The following PCSK4 variants were observed in gnomAD, a reference collection of about 807,000 sequenced individuals.
The protein encoded by PCSK4 is testicular tissue protein Li 135.
In PCSK4, 64 loss-of-function variants were observed where a neutral mutation model predicts 80.3. The ratio of observed to expected loss-of-function variants is 0.80; its 90% CI spans 0.65 to 0.98. PCSK4 has a LOEUF of 0.98. PCSK4 is among the 50% of genes least tolerant of loss of function. The pLI, the probability that PCSK4 is intolerant of heterozygous loss-of-function variation, is 0.00. For missense variants in PCSK4, 1,213 were observed against 1,093.6 expected, an observed-to-expected ratio of 1.11 and a Z score of -1.54; for synonymous variants, 561 against 487.6, an observed-to-expected ratio of 1.15 and a Z score of -1.98.
chr19:1,482,672 G>T, intron 13 of PCSK4, 197 bp from the exon 14 acceptor site: 1 of 775,532 alleles, frequency 1.3e-6, no homozygotes. Context: ...CCTACTGTGC[G>T]CCTGTCACTG....
chr19:1,484,003 G>C, intron 9 of PCSK4, 24 bp downstream of exon 9: 10 of 1,512,174 alleles, frequency 6.6e-6, no homozygotes, highest in Non-Finnish European at 8.9e-6. Context: ...CGAGGGCGGT[G>C]GACCGGGCCC....
Position 1,487,002 on chromosome 19 carries a change from TGTC to T in PCSK4, c.916_918del (p.Asp306del), listed in dbSNP as rs769093159. 11 of 1,609,590 alleles carry T rather than the reference TGTC, an allele frequency of 6.8e-6. No homozygotes were observed. The Admixed American group carries it at 8.3e-5, about 12-fold the overall frequency. On this transcript the variant is annotated inframe_deletion, in exon 8 of 15. Coordinates refer to ENST00000300954, the Ensembl canonical transcript of PCSK4. Reference sequence around the variant, plus strand: ...TTGGTGTAGCCGTCGCAGTTGCAGTTGTCGTAGTGCAGGCCGCCGTTGCCCGAG... The same window carrying T: ...TTGGTGTAGCCGTCGCAGTTGCAGTTGTAGTGCAGGCCGCCGTTGCCCGAG...
exon 5 of PCSK4, chr19:1,487,847 G>T (rs749701688): frequency 1.3e-6 from 2 of 1,553,356 alleles, no homozygotes; most frequent in Non-Finnish European, 8.7e-7. Flanking sequence ...TGAAGTCATA[G>T]CTGGCCAGGG....
At chr19:1,490,531 G>T (rs2084896540), upstream of PCSK4, 1 of 505,998 alleles carries the variant, frequency 2.0e-6, no homozygotes, top group East Asian at 3.4e-5. Context: ...AGGGACGCAC[G>T]CCTGCCCGTC....
intron 7 of PCSK4, 32 bp from the exon 8 acceptor site, chr19:1,487,097 T>C (rs760690931): frequency 6.2e-7 from 1 of 1,601,306 alleles, no homozygotes; most frequent in Non-Finnish European, 8.5e-7. Context: ...GGAGGGGGCG[T>C]CGGCCTGGCC....
exon 4 of PCSK4, chr19:1,488,025 A>G: frequency 6.2e-7 from 1 of 1,613,510 alleles, no homozygotes; most frequent in Admixed American, 1.7e-5. Context: ...AGAGACCACG[A>G]TGCCCTGGCC....
At chr19:1,483,351 G>A (rs1252939464) in exon 12 of PCSK4, 4 of 1,609,986 alleles carry the variant, frequency 2.5e-6, no homozygotes, top group East Asian at 2.2e-5. Context: ...TCTCCGCGCC[G>A]GCTGTAGGAC....
intron 12 of PCSK4, 76 bp from the exon 13 acceptor site, chr19:1,483,096 G>A (rs2084391286): frequency 1.4e-6 from 2 of 1,389,538 alleles, no homozygotes; most frequent in African/African-American, 1.4e-5. Flanking sequence ...CCCATGAAGT[G>A]TCTGACCGCA....
At chr19:1,488,120 T>A in intron 3 of PCSK4, 28 bp from the exon 4 acceptor site, 1 of 1,612,784 alleles carries the variant, frequency 6.2e-7, no homozygotes, top group East Asian at 2.2e-5. Flanking sequence ...GTTGTGACCC[T>A]GTGAGGGCCT....
intron 2 of PCSK4, among the ~76,000 whole-genome samples, chr19:1,488,491 C>T (rs1201979413): frequency 6.6e-6 from 1 of 151,918 alleles, no homozygotes; most frequent in Admixed American, 6.6e-5. Context: ...TCGTTGCTGC[C>T]GCGGGTGACT....
chr19:1,482,324 G>C lies in PCSK4; in HGVS notation c.1819+29C>G, dbSNP rs1413073809. 10 of 1,535,598 alleles carry C rather than the reference G, an allele frequency of 6.5e-6. 1 individual carries two copies. In the Admixed American group the frequency reaches 1.8e-4, roughly 27 times the overall value. Reference sequence around the variant, plus strand: ...CCACGGTGGCCGCCACCGCCTCCCAGCAGTGGGCCCTGCCCCGCCGGCACT... The same window carrying C: ...CCACGGTGGCCGCCACCGCCTCCCACCAGTGGGCCCTGCCCCGCCGGCACT... On this transcript the variant is annotated intron_variant, in intron 14 of 14. Coordinates refer to ENST00000300954, the Ensembl canonical transcript of PCSK4.
exon 15 of PCSK4, chr19:1,481,549 C>T (rs368548596): frequency 5.6e-4 from 250 of 446,324 alleles, no homozygotes; most frequent in African/African-American, 4.5e-3. Flanking sequence ...CCTCTCCCCC[C>T]AGCCCACTCC....
exon 12 of PCSK4, chr19:1,483,453 G>A (rs1213515993): frequency 1.2e-5 from 19 of 1,592,150 alleles, no homozygotes; most frequent in Non-Finnish European, 1.6e-5. Flanking sequence ...TAGATCAGCG[G>A]CAGGATGGGG....
chr19:1,483,177 G>A (rs1487893375), intron 12 of PCSK4, 107 bp downstream of exon 12: 3 of 1,291,272 alleles, frequency 2.3e-6, no homozygotes, highest in African/African-American at 3.0e-5. Context: ...CTAGGCTGCC[G>A]TGTGACTCCT....
chr19:1,486,844 T>C lies in PCSK4; in HGVS notation c.1068+9A>G. The C allele has an allele frequency of 6.3e-7, 1 of 1,590,798 alleles. No homozygotes were observed. The highest frequency in any genetic ancestry group is 8.5e-7 in the Non-Finnish European group (1 of 1,175,768). On this transcript the variant is annotated intron_variant, in intron 8 of 14. Coordinates refer to ENST00000300954, the Ensembl canonical transcript of PCSK4. Reference sequence around the variant, plus strand: ...GGGGAGGGGACCCTGTTGGGGCGGCTGCACTCACGATCTGGGGGTCGGTGG... The same window carrying C: ...GGGGAGGGGACCCTGTTGGGGCGGCCGCACTCACGATCTGGGGGTCGGTGG...
exon 15 of PCSK4, chr19:1,481,722 C>T: frequency 7.1e-7 from 1 of 1,408,130 alleles, no homozygotes; most frequent in East Asian, 2.4e-5. Flanking sequence ...TGTCAGGGAC[C>T]CAGGCGGGGG....
intron 2 of PCSK4, 93 bp from the exon 3 acceptor site, chr19:1,488,373 CTG>C: frequency 1.1e-6 from 1 of 934,530 alleles, no homozygotes; most frequent in Non-Finnish European, 1.7e-6. Context: ...CCCTGGGACC[CTG>C]TGTTTGTGGG....
exon 13 of PCSK4, chr19:1,482,929 C>T (rs768349765): frequency 1.9e-6 from 3 of 1,613,540 alleles, no homozygotes; most frequent in Non-Finnish European, 1.7e-6. Flanking sequence ...TTCTCTAGGC[C>T]CAGGGTCCAC....
intron 8 of PCSK4, 37 bp from the exon 9 acceptor site, chr19:1,484,164 C>T: frequency 8.4e-7 from 1 of 1,191,922 alleles, no homozygotes; most frequent in Non-Finnish European, 1.2e-6. Flanking sequence ...GGGGGCCGTG[C>T]ACAGTGAGAA....
Sources: gnomAD v4.1 joint callset for allele counts (sites outside exome capture counted in the v4.1 genomes callset) on GRCh38, gnomAD v4.1.1 for gene constraint, MANE v1.5 for transcripts, NCBI Gene and HGNC (gene_info 2026-07-23, HGNC 2026-07-21) for gene names.